The following LARP1B variants were observed in gnomAD, a reference collection of about 807,000 sequenced individuals.
The protein encoded by LARP1B is la-related protein 1B.
In LARP1B, 76 loss-of-function variants were observed where a neutral mutation model predicts 114.2. The observed-to-expected ratio is 0.67, with a 90% confidence interval of 0.55 to 0.81. The LOEUF (loss-of-function observed/expected upper bound fraction) is 0.81. Among genes scored for constraint, LARP1B ranks in the 30% least tolerant of loss-of-function variants. The probability of loss-of-function intolerance (pLI) is 0.00; values close to 1 mark genes in which losing one functional copy is unlikely to be tolerated. For missense variants in LARP1B, 1,014 were observed against 1,075.8 expected, an observed-to-expected ratio of 0.94 and a Z score of 0.80; for synonymous variants, 345 against 348.0, an observed-to-expected ratio of 0.99 and a Z score of 0.10.
At chr4:128,148,762 G>A (rs1379552995) in intron 11 of LARP1B, among the ~76,000 whole-genome samples, 2 of 152,018 alleles carry the variant, frequency 1.3e-5, no homozygotes, top group Non-Finnish European at 2.9e-5. Flanking sequence ...GAGTAGCTGG[G>A]ATTATAGGTG....
At chr4:128,111,840 C>G (rs943098695) in intron 9 of LARP1B, among the ~76,000 whole-genome samples, 1 of 151,808 alleles carries the variant, frequency 6.6e-6, no homozygotes, top group Non-Finnish European at 1.5e-5. Flanking sequence ...TACCACCACG[C>G]CTGGCTAATT....
At chr4:128,192,459 T>C (rs1218998068) in intron 15 of LARP1B, among the ~76,000 whole-genome samples, 1 of 152,204 alleles carries the variant, frequency 6.6e-6, no homozygotes, top group Non-Finnish European at 1.5e-5. Flanking sequence ...ACATCATGGC[T>C]CAGCCTAGCT....
intron 13 of LARP1B, 144 bp from the exon 14 acceptor site, chr4:128,178,287 G>A (rs1022870130): frequency 2.1e-5 from 13 of 606,508 alleles, no homozygotes; most frequent in Non-Finnish European, 3.3e-5. Flanking sequence ...GGTCAAAAAA[G>A]TATTTGTTAT....
In LARP1B at chr4:128,089,356, G is replaced by C. The variant is rs555351385; in HGVS notation, c.359-1645G>C. Among the ~76,000 whole-genome samples the C allele has an allele frequency of 2.0e-5, 3 of 152,160 alleles. No individual in the cohort carries two copies. The East Asian group carries it at 5.8e-4, about 29-fold the overall frequency. ...TATGAATGTTCTACCTGTTTTTTGA[G>C]ACAGAATCTCACTCTGTTACCTAGG... On this transcript the variant is annotated intron_variant, in intron 5 of 19. Transcript: ENST00000326639.
rs1266832028 is a variant in LARP1B, at chr4:128,122,319, A to G, written c.1524+131A>G. 4 of 1,481,280 alleles carry G rather than the reference A, an allele frequency of 2.7e-6. No homozygotes were observed. In the African/African-American group the frequency reaches 5.7e-5, roughly 21 times the overall value. The allele number at this position is 1,481,280 out of a possible 1,614,324, so 91.8% of individuals were successfully genotyped here. The stretch of plus-strand genomic sequence containing the variant: ...TAAATACATTGTATTTAACTTGAAA[A>G]ATTCCTGGAAATATACCTGATAATT... On this transcript the variant is annotated intron_variant, in intron 11 of 19. Coordinates refer to ENST00000326639, the MANE Select transcript of LARP1B (RefSeq NM_018078.4).
At chr4:128,104,734 C>T (rs1318520309) in intron 8 of LARP1B, among the ~76,000 whole-genome samples, 1 of 152,208 alleles carries the variant, frequency 6.6e-6, no homozygotes, top group African/African-American at 2.4e-5. Context: ...GCTTGAGCCA[C>T]CGTGCCCGGC....
chr4:128,125,246 G>C (rs376532809), intron 11 of LARP1B, among the ~76,000 whole-genome samples: 58 of 152,264 alleles, frequency 3.8e-4, no homozygotes, highest in Middle Eastern at 3.4e-3. Flanking sequence ...ATTCAAAACT[G>C]TGGATTCCCA....
chr4:128,158,867 T>A (rs987591401), intron 11 of LARP1B, among the ~76,000 whole-genome samples: 23 of 152,064 alleles, frequency 1.5e-4, no homozygotes, highest in Non-Finnish European at 2.6e-4. Context: ...TATATATACA[T>A]CTTATGTAAC....
intron 11 of LARP1B, among the ~76,000 whole-genome samples, chr4:128,139,113 A>G (rs988750172): frequency 6.6e-6 from 1 of 152,188 alleles, no homozygotes. Context: ...CGGATTGAAG[A>G]AAGATTGTGA....
intron 6 of LARP1B, among the ~76,000 whole-genome samples, chr4:128,220,003 A>G (rs953722257): frequency 1.2e-4 from 19 of 152,132 alleles, no homozygotes; most frequent in African/African-American, 3.6e-4. Flanking sequence ...CTCCTGCCTC[A>G]GCCTCCTGAG....
intron 11 of LARP1B, among the ~76,000 whole-genome samples, chr4:128,126,460 A>G (rs1289190404): frequency 6.6e-6 from 1 of 152,190 alleles, no homozygotes; most frequent in East Asian, 1.9e-4. Context: ...ATTAAACAAA[A>G]TATGCAGTAG....
intron 10 of LARP1B, among the ~76,000 whole-genome samples, chr4:128,120,925 C>T: frequency 6.6e-6 from 1 of 151,292 alleles, no homozygotes; most frequent in Non-Finnish European, 1.5e-5. Context: ...ATTCTCCTGC[C>T]TCAGCCTCCC....
At chr4:128,102,532 T>G (rs1254234500) in intron 8 of LARP1B, among the ~76,000 whole-genome samples, 1 of 152,216 alleles carries the variant, frequency 6.6e-6, no homozygotes, top group Non-Finnish European at 1.5e-5. Flanking sequence ...CTTGAAAAAC[T>G]CTCAAGAGAA....
chr4:128,145,986 A>G (rs1730177977), intron 11 of LARP1B, among the ~76,000 whole-genome samples: 1 of 152,220 alleles, frequency 6.6e-6, no homozygotes, highest in Admixed American at 6.5e-5. Context: ...ACACATCACT[A>G]TTGGTGTTAA....
chr4:128,091,206 C>T, intron 6 of LARP1B, 62 bp downstream of exon 6: 1 of 1,578,834 alleles, frequency 6.3e-7, no homozygotes, highest in Non-Finnish European at 8.6e-7. Flanking sequence ...AGCAACTATC[C>T]TCTATTATGT....
At chr4:128,174,329 T>C (rs1745024610) in intron 12 of LARP1B, among the ~76,000 whole-genome samples, 1 of 152,020 alleles carries the variant, frequency 6.6e-6, no homozygotes, top group African/African-American at 2.4e-5. Flanking sequence ...AATATATTCT[T>C]GTTTCCTAAT....
At chr4:128,082,339 G>A in intron 5 of LARP1B, 34 bp downstream of exon 5, 1 of 1,578,386 alleles carries the variant, frequency 6.3e-7, no homozygotes, top group Non-Finnish European at 8.7e-7. Context: ...AATGACTAAG[G>A]AAAGACTTAG....
intron 15 of LARP1B, among the ~76,000 whole-genome samples, chr4:128,194,342 G>A (rs1276910686): frequency 6.6e-6 from 1 of 152,066 alleles, no homozygotes; most frequent in South Asian, 2.1e-4. Context: ...AAAATGCTGG[G>A]ATTACAAGTG....
chr4:128,091,453 A>G lies in LARP1B; in HGVS notation c.609A>G (p.Thr203=). 6.2e-7 allele frequency: 1 copy of G among 1,611,286 alleles called. No homozygotes were observed. Among genetic ancestry groups the G allele is most frequent in the Non-Finnish European group, 8.5e-7 (1 of 1,177,684 alleles). ...TSMMYYYDDG[T]GVQVYPVEEA... The stretch of plus-strand genomic sequence containing the variant: ...TGATGTATTACTATGATGATGGTAC[A>G]GGTGTACAGGTGTATCCTGTGGAAG... The change falls in exon 7 of 20, where the codon ACA becomes ACG. Residue 203 remains threonine, a synonymous_variant. Transcript: ENST00000326639.
Sources: allele counts gnomAD v4.1 joint callset (sites outside exome capture counted in the v4.1 genomes callset), GRCh38; gene constraint gnomAD v4.1.1; transcripts MANE v1.5; gene names NCBI Gene and HGNC (gene_info 2026-07-23, HGNC 2026-07-21).